Variants in MEP1A observed in about 807,000 individuals in gnomAD.
The protein encoded by MEP1A is N-benzoyl-L-tyrosyl-P-amino-benzoic acid hydrolase subunit alpha.
A neutral mutation model predicts 84.5 loss-of-function variants in MEP1A; 68 were observed. The observed-to-expected ratio is 0.80, with a 90% CI of 0.66 to 0.98. The LOEUF is 0.98. MEP1A is among the 50% of genes least tolerant of loss of function. MEP1A has a pLI of 0.00. For synonymous variants in MEP1A, 337 were observed against 336.8 expected, an observed-to-expected ratio of 1.00 and a Z score of -0.01; for missense variants, 887 against 919.9, an observed-to-expected ratio of 0.96 and a Z score of 0.46.
At chr6:46,802,915 C>G (rs1274309658) in intron 5 of MEP1A, among the ~76,000 whole-genome samples, 1 of 151,644 alleles carries the variant, frequency 6.6e-6, no homozygotes, top group African/African-American at 2.4e-5. Flanking sequence ...TGCTGGATTC[C>G]TAATATTTTG....
At chr6:46,815,033 G>A (rs887396979) in intron 6 of MEP1A, among the ~76,000 whole-genome samples, 1 of 152,340 alleles carries the variant, frequency 6.6e-6, no homozygotes, top group South Asian at 2.1e-4. Context: ...CTCCAGCCAG[G>A]AGGTGGCACT....
In MEP1A at chr6:46,839,060, T is replaced by C; in HGVS notation, c.2165T>C (p.Val722Ala). The part of the protein sequence containing the change: ...VQVHGSVLGM[V>A]IGGTAGVIFL... Reference sequence around the variant, plus strand: ...GTGCACGGCAGTGTCCTGGGCATGGTGATCGGAGGCACGGCTGGCGTGATC... The same window carrying C: ...GTGCACGGCAGTGTCCTGGGCATGGCGATCGGAGGCACGGCTGGCGTGATC... Residue 722 changes from valine to alanine, a missense_variant, in exon 14 of 14, where the codon GTG becomes GCG. Coordinates refer to ENST00000230588, the MANE Select transcript of MEP1A (RefSeq NM_005588.3). 6.2e-7 allele frequency: 1 copy of C among 1,613,784 alleles called. No homozygotes were observed. The highest frequency in any genetic ancestry group is 8.5e-7 in the Non-Finnish European group (1 of 1,179,830).
At chr6:46,801,283 A>G (rs1659309776) in intron 5 of MEP1A, among the ~76,000 whole-genome samples, 1 of 152,088 alleles carries the variant, frequency 6.6e-6, no homozygotes, top group Non-Finnish European at 1.5e-5. Flanking sequence ...GCTAATATTG[A>G]TAGCATTAAT....
intron 7 of MEP1A, among the ~76,000 whole-genome samples, chr6:46,820,523 A>G (rs1479865990): frequency 3.9e-5 from 6 of 152,058 alleles, no homozygotes; most frequent in African/African-American, 1.4e-4. Context: ...GGCAGATGGG[A>G]TTATAGGTGT....
At chr6:46,808,525 C>G (rs1767416390) in intron 5 of MEP1A, among the ~76,000 whole-genome samples, 1 of 152,082 alleles carries the variant, frequency 6.6e-6, no homozygotes, top group Non-Finnish European at 1.5e-5. Context: ...TAATTTTTAA[C>G]TTAGATTCTA....
intron 6 of MEP1A, among the ~76,000 whole-genome samples, chr6:46,811,956 G>T (rs868671735): frequency 6.6e-6 from 1 of 152,116 alleles, no homozygotes; most frequent in African/African-American, 2.4e-5. Context: ...TCCTTCCCTG[G>T]TTTGGGTATT....
intron 5 of MEP1A, among the ~76,000 whole-genome samples, chr6:46,801,308 C>A (rs1425377312): frequency 6.6e-6 from 1 of 151,984 alleles, no homozygotes; most frequent in Non-Finnish European, 1.5e-5. Flanking sequence ...GTAGTTATAG[C>A]CATTTTAGTA....
rs1254730044 is a variant in MEP1A at position 46,839,772 on chromosome 6, G to A, written c.*636G>A. 6.6e-6 allele frequency: 1 copy of A among 152,126 alleles called. No homozygotes were observed. The highest frequency in any genetic ancestry group is 1.9e-4 in the East Asian group (1 of 5,190). The allele number at this position is 152,126 out of a possible 1,614,324, so 9.4% of individuals were successfully genotyped here. ...CTTTAATAAATTTAATAAATATTGA[G>A]TTAGCACCTTCTTTGTATCTGGTAT... On this transcript the variant is annotated 3_prime_UTR_variant, in exon 14 of 14. Coordinates refer to ENST00000230588, the MANE Select transcript of MEP1A (RefSeq NM_005588.3).
At position 46,798,563 on chromosome 6, in the gene MEP1A, G is replaced by T. The variant is rs757102590; in HGVS notation, c.146-43G>T. ...ATTACGAAAGATGCCTTTTAATAAT[G>T]TTCACTCAAATATTCTTTTTTTAAA... On this transcript the variant is annotated intron_variant, in intron 3 of 13. Transcript: ENST00000230588. 14 of 1,502,484 alleles carry T rather than the reference G, an allele frequency of 9.3e-6. 1 individual carries two copies. The South Asian group carries it at 1.5e-4, about 16-fold the overall frequency. 93.1% of individuals were successfully genotyped at this position (1,502,484 alleles called of 1,614,324 possible). A position where few individuals can be genotyped will look rare whatever the true frequency, so the allele number is the denominator to read the frequency against.
chr6:46,796,881 T>G (rs75376705), intron 3 of MEP1A, among the ~76,000 whole-genome samples: 3,420 of 152,288 alleles, frequency 0.022, 128 homozygotes, highest in African/African-American at 0.077. Context: ...AATGTAAGAA[T>G]AGATGGACCA....
chr6:46,824,613 A>T (rs1767861732), intron 7 of MEP1A, among the ~76,000 whole-genome samples: 1 of 133,202 alleles, frequency 7.5e-6, no homozygotes, highest in Non-Finnish European at 1.5e-5. Flanking sequence ...GATGTATTTA[A>T]ATATATATAA....
downstream of MEP1A, among the ~76,000 whole-genome samples, chr6:46,844,297 G>A (rs574454054): frequency 1.3e-5 from 2 of 152,252 alleles, no homozygotes; most frequent in Non-Finnish European, 2.9e-5. Context: ...GAAAAAATAT[G>A]ATAGGAAAGA....
chr6:46,809,800 G>A (rs1767450642), intron 6 of MEP1A, among the ~76,000 whole-genome samples: 1 of 149,920 alleles, frequency 6.7e-6, no homozygotes, highest in South Asian at 2.1e-4. Context: ...GTAATACATG[G>A]TGTGTGTGTG....
At chr6:46,840,230 A>ATGCAAAGTTAT (rs1443085910), downstream of MEP1A, among the ~76,000 whole-genome samples, 1 of 152,208 alleles carries the variant, frequency 6.6e-6, no homozygotes, top group Non-Finnish European at 1.5e-5. Context: ...AGTTTCTTTA[A>ATGCAAAGTTAT]TGCAAAGTTA....
At chr6:46,822,210 T>C (rs1280568296) in intron 7 of MEP1A, among the ~76,000 whole-genome samples, 1 of 152,214 alleles carries the variant, frequency 6.6e-6, no homozygotes, top group Non-Finnish European at 1.5e-5. Flanking sequence ...GTTTAAGTAT[T>C]GTATATGGCT....
chr6:46,827,705 C>T lies in MEP1A; in HGVS notation c.928+1202C>T, dbSNP rs192373421. On this transcript the variant is annotated intron_variant, in intron 9 of 13. Coordinates refer to ENST00000230588, the MANE Select transcript of MEP1A (RefSeq NM_005588.3). Reference sequence around the variant, plus strand: ...AAGCTTCTGTCACAGATCAGATTATCAAACATATCATCCCAAGTGTCCAAA... The same window carrying T: ...AAGCTTCTGTCACAGATCAGATTATTAAACATATCATCCCAAGTGTCCAAA... Among the ~76,000 whole-genome samples the T allele has an allele frequency of 1.8e-3, 270 of 152,268 alleles. 2 individuals carry two copies. The highest frequency in any genetic ancestry group is 3.2e-3 in the Non-Finnish European group (216 of 68,024).
chr6:46,830,630 T>C (rs1768056044), intron 10 of MEP1A, among the ~76,000 whole-genome samples: 2 of 152,202 alleles, frequency 1.3e-5, no homozygotes, highest in South Asian at 2.1e-4. Context: ...ACTGCCTACC[T>C]TAGCATTTAA....
At position 46,834,707 on chromosome 6, in the gene MEP1A, G is replaced by A. The variant is rs1175277087; in HGVS notation, c.1739G>A (p.Ser580Asn). Residue 580 changes from serine (S) to asparagine (N), a missense_variant, in exon 12 of 14, where the codon AGT (serine) becomes AAT (asparagine). Ser to Asn is a conservative substitution (Grantham distance 46). Transcript: ENST00000230588. ...FISHQMLKRR[S>N]FLKNDDLIIF... The stretch of plus-strand genomic sequence containing the variant: ...TCCCACCAAATGCTGAAAAGGAGGA[G>A]TTTCCTGAAAAATGATGACCTCATC... 6.8e-6 allele frequency: 11 copies of A among 1,611,640 alleles called. No individual in the cohort carries two copies. The highest frequency in any genetic ancestry group is 7.6e-6 in the Non-Finnish European group (9 of 1,179,666).
chr6:46,824,743 A>C (rs1359337841), intron 7 of MEP1A, among the ~76,000 whole-genome samples: 2 of 64,408 alleles, frequency 3.1e-5, no homozygotes, highest in East Asian at 6.7e-4. Flanking sequence ...TATGTATTTA[A>C]ATAGATGTAT....
Sources: gnomAD v4.1 joint callset for allele counts (sites outside exome capture counted in the v4.1 genomes callset) on GRCh38, gnomAD v4.1.1 for gene constraint, MANE v1.5 for transcripts, NCBI Gene and HGNC (gene_info 2026-07-23, HGNC 2026-07-21) for gene names.